Variants in CHFR observed in about 807,000 individuals in gnomAD.
CHFR encodes checkpoint with forkhead and ring finger domains.
CHFR carries 57 observed loss-of-function variants against 87.6 expected under a neutral mutation model. The ratio of observed to expected loss-of-function variants is 0.65; its 90% CI spans 0.53 to 0.81. The LOEUF is 0.81. CHFR is among the 30% of genes least tolerant of loss of function. CHFR has a pLI of 0.00. For missense variants in CHFR, 797 were observed against 865.8 expected, an observed-to-expected ratio of 0.92 and a Z score of 1.00; for synonymous variants, 381 against 359.2, an observed-to-expected ratio of 1.06 and a Z score of -0.69.
In CHFR at chr12:132,848,126, C is replaced by T. The variant is rs755522022; in HGVS notation, c.1606G>A (p.Gly536Ser). 14 of 1,613,982 alleles carry T rather than the reference C, an allele frequency of 8.7e-6. No individual in the cohort carries two copies. Among genetic ancestry groups the T allele is most frequent in the African/African-American group, 5.3e-5 (4 of 74,892 alleles). ...TCGTAGCTGTTGTTGTTCAGCACGC[C>T]GTCCAGACACTTGTCACCCAGGTTG... ...ELNLGDKCLDGVLNNNSYESD... is the reference protein window; with the variant it reads ...ELNLGDKCLDSVLNNNSYESD... Residue 536 changes from glycine (G) to serine (S), a missense_variant, in exon 14 of 18, where the codon GGC becomes AGC. Physicochemically the swap from Gly to Ser is moderately conservative, Grantham distance 56 (BLOSUM62 0). Around this residue, in one of 2 missense-constraint regions of CHFR, gnomAD observed 200 missense variants for 264.6 expected, o/e 0.76. Coordinates refer to ENST00000450056, the MANE Select transcript of CHFR (RefSeq NM_001161346.2).
chr12:132,847,453 G>A, intron 14 of CHFR: 1 of 1,119,050 alleles, frequency 8.9e-7, no homozygotes, highest in South Asian at 2.4e-5. Context: ...AACGAGCCCA[G>A]GCTGTTGCAC....
chr12:132,838,534 G>C lies in CHFR; in HGVS notation c.*3020C>G, dbSNP rs1218672691. ...ACCAGGGAGCACAGAGGGAGCCGCA[G>C]ATGAGGAGTGCGTGGGGAGACGGTC... is the stretch of plus-strand genomic sequence containing the variant. On this transcript the variant is annotated 3_prime_UTR_variant, in exon 18 of 18. Coordinates refer to ENST00000450056, the MANE Select transcript of CHFR (RefSeq NM_001161346.2). 6.5e-6 allele frequency: 1 copy of C among 152,674 alleles called. No individual in the cohort carries two copies. Among genetic ancestry groups the C allele is most frequent in the Admixed American group, 6.5e-5 (1 of 15,282 alleles). The allele number at this position is 152,674 out of a possible 1,614,324, so 9.5% of individuals were successfully genotyped here. A position where few individuals can be genotyped will look rare whatever the true frequency, so the allele number is the denominator to read the frequency against.
chr12:132,848,252 C>G, intron 13 of CHFR, 97 bp from the exon 14 acceptor site: 2 of 1,575,784 alleles, frequency 1.3e-6, no homozygotes, highest in Non-Finnish European at 8.6e-7. Context: ...CTTTTCATTA[C>G]AGATTCTAGA....
chr12:132,870,797 A>G lies in CHFR; in HGVS notation c.344-14T>C, dbSNP rs1340002857. The G allele has an allele frequency of 6.3e-7, 1 of 1,588,366 alleles. No homozygotes were observed. Among genetic ancestry groups the G allele is most frequent in the Non-Finnish European group, 8.6e-7 (1 of 1,157,334 alleles). ...GGTATGCCACGTCTAAAAGAAAATCAATCAAATCAGAAAAGTGGTGGCCCC... is the reference window on the plus strand; with the variant it reads ...GGTATGCCACGTCTAAAAGAAAATCGATCAAATCAGAAAAGTGGTGGCCCC... On this transcript the variant is annotated splice_polypyrimidine_tract_variant and intron_variant, in intron 4 of 17. Coordinates refer to ENST00000450056, the MANE Select transcript of CHFR (RefSeq NM_001161346.2).
chr12:132,883,612 A>G lies in CHFR; in HGVS notation c.133+3584T>C, dbSNP rs1951818461. 5.9e-5 allele frequency among the ~76,000 whole-genome samples: 9 copies of G among 152,228 alleles called. No individual in the cohort carries two copies. The South Asian group carries it at 1.9e-3, about 32-fold the overall frequency. On this transcript the variant is annotated intron_variant, in intron 2 of 17. Coordinates refer to ENST00000450056, the MANE Select transcript of CHFR (RefSeq NM_001161346.2). ...CATGGTGGCGGGTGCCTGTAGTCCC[A>G]GCTACTTGGGAGGTTGAGGCAGGAG...
intron 7 of CHFR, among the ~76,000 whole-genome samples, chr12:132,860,153 C>A (rs1339325448): frequency 6.6e-6 from 1 of 152,216 alleles, no homozygotes; most frequent in Admixed American, 6.5e-5. Context: ...ATTTTCATGT[C>A]TTTGAGCTGT....
intron 2 of CHFR, among the ~76,000 whole-genome samples, chr12:132,884,314 G>A (rs1353683284): frequency 3.3e-5 from 5 of 151,788 alleles, no homozygotes; most frequent in South Asian, 2.1e-4. Flanking sequence ...AGCTACTCGG[G>A]AGGCTGAGGC....
In CHFR at chr12:132,887,263, C is replaced by G; in HGVS notation, c.66G>C (p.Leu22=). The G allele has an allele frequency of 6.7e-7, 1 of 1,501,964 alleles. No homozygotes were observed. Among genetic ancestry groups the G allele is most frequent in the Non-Finnish European group, 8.8e-7 (1 of 1,132,478 alleles). The allele number at this position is 1,501,964 out of a possible 1,614,324, so 93.0% of individuals were successfully genotyped here. A position where few individuals can be genotyped will look rare whatever the true frequency, so the allele number is the denominator to read the frequency against. Residue 22 remains leucine, a synonymous_variant, in exon 2 of 18, where the codon CTG becomes CTC. Coordinates refer to ENST00000450056, the MANE Select transcript of CHFR (RefSeq NM_001161346.2). ...PPQPWGRLLR[L]GAEEGEPHVL... ...CGTGCGGCTCGCCCTCCTCCGCGCC[C>G]AGACGCAGGAGCCGTCCCCAGGGCT...
intron 3 of CHFR, among the ~76,000 whole-genome samples, 177 bp downstream of exon 3, chr12:132,877,378 G>A (rs1161216318): frequency 6.6e-6 from 1 of 152,164 alleles, no homozygotes; most frequent in African/African-American, 2.4e-5. Context: ...ACATTTCTCA[G>A]ACTGGATCCC....
chr12:132,883,751 G>A (rs927535282), intron 2 of CHFR, among the ~76,000 whole-genome samples: 3 of 152,114 alleles, frequency 2.0e-5, no homozygotes, highest in Non-Finnish European at 2.9e-5. Context: ...CTTCCTACAC[G>A]TTACCTAGGC....
chr12:132,877,712 T>C lies in CHFR; in HGVS notation c.134-58A>G, dbSNP rs551399785. 9.5e-6 allele frequency: 10 copies of C among 1,051,244 alleles called. No individual in the cohort carries two copies. In the African/African-American group the frequency reaches 1.3e-4, roughly 13 times the overall value. The allele number at this position is 1,051,244 out of a possible 1,614,324, so 65.1% of individuals were successfully genotyped here. A position where few individuals can be genotyped will look rare whatever the true frequency, so the allele number is the denominator to read the frequency against. ...TGATCGTGGTAACTGTGAACACTACTGCACTTTGTTTACCAAAGTATGTGG... is the reference window on the plus strand; with the variant it reads ...TGATCGTGGTAACTGTGAACACTACCGCACTTTGTTTACCAAAGTATGTGG... On this transcript the variant is annotated intron_variant, in intron 2 of 17. Coordinates refer to ENST00000450056, the MANE Select transcript of CHFR (RefSeq NM_001161346.2).
intron 10 of CHFR, chr12:132,854,624 G>A (rs550686189): frequency 6.6e-6 from 1 of 151,332 alleles, no homozygotes; most frequent in Admixed American, 6.6e-5. Context: ...GACTAACACG[G>A]TGAAACCCAG....
At position 132,836,366 on chromosome 12, in the gene CHFR, C is replaced by T. The variant is rs12825028; in HGVS notation, c.*5188G>A. On this transcript the variant is annotated 3_prime_UTR_variant, in exon 18 of 18. Transcript: ENST00000450056. ...CCCTCACAGTGACAGGCTCCCAGCA[C>T]GGCGCACGGCCCTCACAGTGACAGG... 3.2e-6 allele frequency: 1 copy of T among 310,546 alleles called. No individual in the cohort carries two copies. Among genetic ancestry groups the T allele is most frequent in the African/African-American group, 3.5e-5 (1 of 28,362 alleles). 19.2% of individuals were successfully genotyped at this position (310,546 alleles called of 1,614,324 possible). A position where few individuals can be genotyped will look rare whatever the true frequency, so the allele number is the denominator to read the frequency against.
rs1950676079 is a variant in CHFR at position 132,839,617 on chromosome 12, C to CAAA, written c.*1936_*1937insTTT. 6.7e-6 allele frequency: 1 copy of CAAA among 150,092 alleles called. No individual in the cohort carries two copies. The highest frequency in any genetic ancestry group is 2.9e-5 in the African/African-American group (1 of 34,902). 9.3% of individuals were successfully genotyped at this position (150,092 alleles called of 1,614,324 possible). A position where few individuals can be genotyped will look rare whatever the true frequency, so the allele number is the denominator to read the frequency against. ...CTCCCCTCTCGGCCTCACCCCTGCA[C>CAAA]TTAGGGACCTCCCCTCTCAGCCTCG... On this transcript the variant is annotated 3_prime_UTR_variant, in exon 18 of 18. Coordinates refer to ENST00000450056, the MANE Select transcript of CHFR (RefSeq NM_001161346.2).
chr12:132,843,710 C>A (rs915632416), intron 16 of CHFR, among the ~76,000 whole-genome samples: 1 of 151,650 alleles, frequency 6.6e-6, no homozygotes, highest in African/African-American at 2.4e-5. Context: ...CTCATGCCTG[C>A]AATCCTAGCA....
intron 6 of CHFR, chr12:132,866,227 C>A (rs951755455): frequency 2.6e-5 from 4 of 152,306 alleles, no homozygotes; most frequent in South Asian, 4.1e-4. Flanking sequence ...CCAATTAGCA[C>A]CTGAGAAGTC....
chr12:132,879,198 G>A (rs1951708929), intron 2 of CHFR, among the ~76,000 whole-genome samples: 1 of 151,338 alleles, frequency 6.6e-6, no homozygotes, highest in African/African-American at 2.4e-5. Flanking sequence ...TAGAGACGGG[G>A]TTTCACCATG....
At position 132,869,822 on chromosome 12, in the gene CHFR, T is replaced by C. The variant is rs767585723; in HGVS notation, c.404-24A>G. The C allele has an allele frequency of 2.6e-6, 4 of 1,551,112 alleles. No homozygotes were observed. In the East Asian group the frequency reaches 9.8e-5, roughly 38 times the overall value. On this transcript the variant is annotated intron_variant, in intron 5 of 17. Coordinates refer to ENST00000450056, the MANE Select transcript of CHFR (RefSeq NM_001161346.2). ...ATCTTTGGTCCCATGGAACACATTT[T>C]CCTTGTTAGCTTCTGTAACCCAAAA...
At chr12:132,862,362 G>C (rs1327378162) in intron 6 of CHFR, 1 of 426,668 alleles carries the variant, frequency 2.3e-6, no homozygotes, top group Admixed American at 2.6e-5. Flanking sequence ...GGAGGCCAAG[G>C]TGGGAGGATC....
Sources: gnomAD v4.1 joint callset for allele counts (sites outside exome capture counted in the v4.1 genomes callset) on GRCh38, gnomAD v4.1.1 for gene constraint, gnomAD v4.1.1 regional missense constraint, MANE v1.5 for transcripts, NCBI Gene and HGNC (gene_info 2026-07-23, HGNC 2026-07-21) for gene names.